Variants in TMPRSS2 observed in about 807,000 individuals in gnomAD.
TMPRSS2 encodes the protein transmembrane protease serine 2.
A neutral mutation model predicts 67.4 loss-of-function variants in TMPRSS2; 59 were observed. That is an observed-to-expected ratio of 0.88 (90% CI 0.71 to 1.09). The LOEUF is 1.09. Among genes scored for constraint, TMPRSS2 ranks in the 50% least tolerant of loss-of-function variants. The probability of loss-of-function intolerance (pLI) is 0.00; values close to 1 mark genes in which losing one functional copy is unlikely to be tolerated. For missense variants in TMPRSS2, 668 were observed against 642.7 expected, an observed-to-expected ratio of 1.04 and a Z score of -0.43; for synonymous variants, 257 against 257.0, an observed-to-expected ratio of 1.00 and a Z score of 0.00.
intron 12 of TMPRSS2, 36 bp downstream of exon 12, chr21:41,468,360 G>T (rs1601559664): frequency 1.2e-6 from 2 of 1,612,480 alleles, no homozygotes; most frequent in East Asian, 4.5e-5. Flanking sequence ...GTAGGATCTG[G>T]TAAGGACCAA....
chr21:41,469,754 C>T (rs2091115304), intron 11 of TMPRSS2, among the ~76,000 whole-genome samples: 2 of 151,762 alleles, frequency 1.3e-5, no homozygotes, highest in Admixed American at 6.6e-5. Flanking sequence ...CCACCACCGA[C>T]ATCCAGAAGA....
At chr21:41,507,418 C>T (rs2091465574) in intron 1 of TMPRSS2, among the ~76,000 whole-genome samples, 1 of 152,158 alleles carries the variant, frequency 6.6e-6, no homozygotes, top group Non-Finnish European at 1.5e-5. Context: ...GCCAGCGGGT[C>T]GCCGCAACGG....
intron 12 of TMPRSS2, 128 bp downstream of exon 12, chr21:41,468,268 C>T (rs970215406): frequency 2.4e-6 from 3 of 1,244,274 alleles, no homozygotes; most frequent in Non-Finnish European, 3.4e-6. Flanking sequence ...CCGTCACTTC[C>T]CATGACTGCC....
chr21:41,466,192 A>C (rs1314728040), intron 13 of TMPRSS2, 39 bp from the exon 14 acceptor site: 13 of 1,610,612 alleles, frequency 8.1e-6, no homozygotes, highest in Non-Finnish European at 1.1e-5. Flanking sequence ...TTATTTTCTT[A>C]AGACAAACAA....
chr21:41,479,165 T>G lies in TMPRSS2; in HGVS notation c.683+7A>C, dbSNP rs753602716. 20 of 1,608,830 alleles carry G rather than the reference T, an allele frequency of 1.2e-5. No individual in the cohort carries two copies. The highest frequency in any genetic ancestry group is 5.0e-5 in the Admixed American group (3 of 59,492). ...CCAAAATTTTTCAAGAAGAAATTGCTGCATACCTGTGGTACAGTTTTTTAT... is the reference window on the plus strand; with the variant it reads ...CCAAAATTTTTCAAGAAGAAATTGCGGCATACCTGTGGTACAGTTTTTTAT... On this transcript the variant is annotated splice_region_variant and intron_variant, in intron 7 of 13. Transcript: ENST00000332149.
intron 1 of TMPRSS2, among the ~76,000 whole-genome samples, chr21:41,501,347 G>C (rs147620204): frequency 9.6e-4 from 147 of 152,334 alleles, no homozygotes; most frequent in African/African-American, 2.8e-3. Flanking sequence ...GGCGGCTCCT[G>C]CCTATAATTC....
chr21:41,499,096 T>C (rs1255359286), intron 1 of TMPRSS2, among the ~76,000 whole-genome samples: 1 of 152,124 alleles, frequency 6.6e-6, no homozygotes, highest in East Asian at 1.9e-4. Context: ...TTTTAATAGA[T>C]ACATACGCTT....
chr21:41,468,641 C>A (rs73372170), intron 11 of TMPRSS2, 103 bp from the exon 12 acceptor site: 1 of 1,374,990 alleles, frequency 7.3e-7, no homozygotes. Flanking sequence ...CACAGATGGT[C>A]ACAGCCCTAT....
chr21:41,468,641 C>T, intron 11 of TMPRSS2, 103 bp from the exon 12 acceptor site: 2 of 1,374,990 alleles, frequency 1.5e-6, no homozygotes, highest in Non-Finnish European at 2.0e-6. Flanking sequence ...CACAGATGGT[C>T]ACAGCCCTAT....
chr21:41,473,176 T>C, intron 9 of TMPRSS2, 149 bp downstream of exon 9: 3 of 911,426 alleles, frequency 3.3e-6, no homozygotes, highest in Non-Finnish European at 4.8e-6. Context: ...GCGCACTTGA[T>C]GTCTCACAGC....
chr21:41,471,189 GCTT>G (rs1439915543), intron 10 of TMPRSS2, among the ~76,000 whole-genome samples: 1 of 152,230 alleles, frequency 6.6e-6, no homozygotes, highest in Non-Finnish European at 1.5e-5. Flanking sequence ...CTGAGGTTTT[GCTT>G]CTTCTGTATC....
rs2091074007 is a variant in TMPRSS2, at chr21:41,465,081, C to T, written c.*1061G>A. 4.3e-6 allele frequency: 1 copy of T among 233,540 alleles called. No homozygotes were observed. The highest frequency in any genetic ancestry group is 8.5e-6 in the Non-Finnish European group (1 of 118,056). 14.5% of individuals were successfully genotyped at this position (233,540 alleles called of 1,614,324 possible). A position where few individuals can be genotyped will look rare whatever the true frequency, so the allele number is the denominator to read the frequency against. On this transcript the variant is annotated 3_prime_UTR_variant, in exon 14 of 14. Transcript: ENST00000332149. ...TGCTTCAGCACATTCATTTATAGAA[C>T]GTTAAGTCAGGAGCCAGTCATTTTG...
In TMPRSS2 at chr21:41,464,797, C is replaced by T. The variant is rs2091071455; in HGVS notation, c.*1345G>A. 4.3e-6 allele frequency: 1 copy of T among 233,204 alleles called. No homozygotes were observed. Among genetic ancestry groups the T allele is most frequent in the African/African-American group, 2.2e-5 (1 of 45,352 alleles). 14.4% of individuals were successfully genotyped at this position (233,204 alleles called of 1,614,324 possible). On this transcript the variant is annotated 3_prime_UTR_variant, in exon 14 of 14. Coordinates refer to ENST00000332149, the MANE Select transcript of TMPRSS2 (RefSeq NM_005656.4). The stretch of plus-strand genomic sequence containing the variant: ...GCTGCTCTCTACAGAGGCATGTGCA[C>T]AGACAGATCCTGCAAATGGGATTGC...
intron 1 of TMPRSS2, among the ~76,000 whole-genome samples, chr21:41,500,950 A>G (rs1332587837): frequency 2.6e-5 from 4 of 152,154 alleles, no homozygotes; most frequent in Non-Finnish European, 5.9e-5. Context: ...ACACATCCTC[A>G]TGCCTCTGGT....
rs751953499 is a variant in TMPRSS2 at position 41,478,991 on chromosome 21, T to A, written c.683+181A>T. Among the ~76,000 whole-genome samples, 1 of 152,192 alleles carries A rather than the reference T, an allele frequency of 6.6e-6. No homozygotes were observed. The highest frequency in any genetic ancestry group is 1.5e-5 in the Non-Finnish European group (1 of 68,034). ...GCAGAGAAACCTCAGCCACTTCCTA[T>A]GAATAAACCAAGGGCTGCTTAGAGT... On this transcript the variant is annotated intron_variant, in intron 7 of 13. Coordinates refer to ENST00000332149, the MANE Select transcript of TMPRSS2 (RefSeq NM_005656.4). This position sits in a 1 kb window ranked among gnomAD's most constrained non-coding sequence, Gnocchi z 4.0.
In TMPRSS2 at chr21:41,494,463, T is replaced by C. The variant is rs2091363177; in HGVS notation, c.131A>G (p.Tyr44Cys). The change falls in exon 3 of 14, where the codon TAC becomes TGC. Residue 44 changes from tyrosine to cysteine, a missense_variant. Transcript: ENST00000332149. ...PTVYEVHPAQ[Y>C]YPSPVPQYAP... is the part of the protein sequence containing the mutation. ...GTACTGGGGCACGGGGGACGGGTAG[T>C]ACTGAGCCGGATGCACCTCGTAGAC... 1.9e-6 allele frequency: 3 copies of C among 1,614,080 alleles called. No individual in the cohort carries two copies. The highest frequency in any genetic ancestry group is 4.5e-5 in the East Asian group (2 of 44,888).
In TMPRSS2 at chr21:41,465,044, C is replaced by T. The variant is rs572422499; in HGVS notation, c.*1098G>A. The T allele has an allele frequency of 3.2e-4, 74 of 233,330 alleles. 1 individual carries two copies. In the Middle Eastern group the frequency reaches 3.7e-3, roughly 12 times the overall value. The allele number at this position is 233,330 out of a possible 1,614,324, so 14.5% of individuals were successfully genotyped here. On this transcript the variant is annotated 3_prime_UTR_variant, in exon 14 of 14. Transcript: ENST00000332149. ...CACATCTTTCTCTTCTTCGCCGCCA[C>T]CATGGGCACTTTGCTTCAGCACATT...
At chr21:41,506,884 C>T (rs1029908758) in intron 1 of TMPRSS2, among the ~76,000 whole-genome samples, 1 of 152,224 alleles carries the variant, frequency 6.6e-6, no homozygotes, top group Non-Finnish European at 1.5e-5. Context: ...GCGCGATGCG[C>T]TCATCTTTCC....
intron 1 of TMPRSS2, 30 bp from the exon 2 acceptor site, chr21:41,498,219 T>C: frequency 3.5e-6 from 5 of 1,419,890 alleles, no homozygotes; most frequent in Non-Finnish European, 4.9e-6. Context: ...GACTGTAATA[T>C]TTCCATACCA....
Sources: gnomAD v4.1 joint callset for allele counts (sites outside exome capture counted in the v4.1 genomes callset) on GRCh38, gnomAD v4.1.1 for gene constraint, Gnocchi (gnomAD v3.1) non-coding constraint, MANE v1.5 for transcripts, NCBI Gene and HGNC (gene_info 2026-07-23, HGNC 2026-07-21) for gene names.